SCARB1: variants seen among roughly 807,000 people sequenced by gnomAD.
SCARB1 encodes the protein scavenger receptor class B member 1, also known as CD36 and LIMPII analogous 1.
SCARB1 carries 30 observed loss-of-function variants against 57.2 expected under a neutral mutation model. That is an observed-to-expected ratio of 0.52 (90% CI 0.39 to 0.71). SCARB1 has a LOEUF of 0.71. Ranked by LOEUF, SCARB1 falls within the 30% of genes least tolerant of loss-of-function variation. The pLI is 0.00. For synonymous variants in SCARB1, 249 were observed against 268.3 expected, an observed-to-expected ratio of 0.93 and a Z score of 0.70; for missense variants, 543 against 671.2, an observed-to-expected ratio of 0.81 and a Z score of 2.11.
At chr12:124,791,067 A>T (rs969392699) in intron 9 of SCARB1, among the ~76,000 whole-genome samples, 1 of 151,782 alleles carries the variant, frequency 6.6e-6, no homozygotes, top group Non-Finnish European at 1.5e-5. Context: ...CCTAGTAAAA[A>T]CCCTGGGCAC....
At chr12:124,816,209 A>G (rs1174973768) in intron 2 of SCARB1, among the ~76,000 whole-genome samples, 2 of 150,334 alleles carry the variant, frequency 1.3e-5, no homozygotes, top group Non-Finnish European at 3.0e-5. Context: ...TGTCTGCACA[A>G]TACTGATGGC....
At chr12:124,833,148 G>GC (rs985485286) in intron 1 of SCARB1, among the ~76,000 whole-genome samples, 1 of 149,690 alleles carries the variant, frequency 6.7e-6, no homozygotes, top group Non-Finnish European at 1.5e-5. Flanking sequence ...AAGCATTGTG[G>GC]CCCCTGGGAC....
intron 5 of SCARB1, among the ~76,000 whole-genome samples, chr12:124,811,070 C>T (rs1454678203): frequency 3.3e-5 from 5 of 152,192 alleles, no homozygotes; most frequent in Non-Finnish European, 7.3e-5. Flanking sequence ...CAAAACAATG[C>T]ACGTAGTATG....
At chr12:124,821,577 G>A (rs1402825387) in intron 1 of SCARB1, 1 of 983,656 alleles carries the variant, frequency 1.0e-6, no homozygotes, top group African/African-American at 1.7e-5. Context: ...CAGAGACCCA[G>A]CGCAGCCCTG....
intron 1 of SCARB1, among the ~76,000 whole-genome samples, chr12:124,841,961 C>A (rs1291629694): frequency 2.0e-5 from 3 of 152,198 alleles, no homozygotes; most frequent in Non-Finnish European, 4.4e-5. Context: ...TGGCACGAGA[C>A]CTGGCCCACA....
chr12:124,778,663 C>G (rs1249915917), intron 12 of SCARB1, 77 bp from the exon 13 acceptor site: 1 of 1,317,152 alleles, frequency 7.6e-7, no homozygotes, highest in Non-Finnish European at 9.8e-7. Context: ...CCACCACAGC[C>G]CTGTACCCAC....
intron 1 of SCARB1, among the ~76,000 whole-genome samples, chr12:124,829,302 T>TATGG (rs1951290593): frequency 6.6e-6 from 1 of 152,158 alleles, no homozygotes; most frequent in Non-Finnish European, 1.5e-5. Context: ...TCCTGGCTTG[T>TATGG]ATGGATGGGT....
intron 7 of SCARB1, among the ~76,000 whole-genome samples, chr12:124,803,662 G>A (rs1227619530): frequency 7.3e-6 from 1 of 136,710 alleles, no homozygotes; most frequent in East Asian, 2.1e-4. Flanking sequence ...AACTAAGCCC[G>A]GGCAAGACGG....
At chr12:124,850,703 C>T (rs548842091) in intron 1 of SCARB1, among the ~76,000 whole-genome samples, 22 of 152,198 alleles carry the variant, frequency 1.4e-4, no homozygotes, top group Non-Finnish European at 3.1e-4. Context: ...TAAGTAAATA[C>T]ATACATAATA....
chr12:124,854,417 G>C (rs1952549167), intron 1 of SCARB1, among the ~76,000 whole-genome samples: 2 of 152,222 alleles, frequency 1.3e-5, no homozygotes, highest in African/African-American at 2.4e-5. Flanking sequence ...TGACTCCTAG[G>C]GGACGGGTCT....
At chr12:124,824,691 G>A (rs1225663817) in intron 1 of SCARB1, among the ~76,000 whole-genome samples, 2 of 152,192 alleles carry the variant, frequency 1.3e-5, no homozygotes, top group Non-Finnish European at 2.9e-5. Context: ...CAGGCCACTG[G>A]GGAGTCGGGA....
chr12:124,836,261 G>A (rs1037084150), intron 1 of SCARB1, among the ~76,000 whole-genome samples: 1 of 152,154 alleles, frequency 6.6e-6, no homozygotes, highest in Admixed American at 6.5e-5. Flanking sequence ...CAGAGGTCTC[G>A]CGCATGTGTC....
chr12:124,779,877 G>C (rs889062334), intron 12 of SCARB1, among the ~76,000 whole-genome samples: 7 of 152,172 alleles, frequency 4.6e-5, no homozygotes, highest in African/African-American at 1.7e-4. Flanking sequence ...ACTGAGCCAG[G>C]CGCGGGGGAG....
chr12:124,829,109 C>CTA, intron 1 of SCARB1, among the ~76,000 whole-genome samples: 2 of 152,314 alleles, frequency 1.3e-5, no homozygotes, highest in Admixed American at 1.3e-4. Flanking sequence ...GGTAAGAAGA[C>CTA]TAAAATAAAA....
intron 1 of SCARB1, among the ~76,000 whole-genome samples, chr12:124,824,056 C>A (rs530683339): frequency 6.6e-6 from 1 of 151,868 alleles, no homozygotes; most frequent in African/African-American, 2.4e-5. Context: ...CAACTGTATT[C>A]CCAGCTACTC....
chr12:124,778,646 T>TTGCC, intron 12 of SCARB1, 60 bp from the exon 13 acceptor site: 1 of 1,337,848 alleles, frequency 7.5e-7, no homozygotes, highest in Non-Finnish European at 9.6e-7. Context: ...CCCACCCTCA[T>TTGCC]CCCCGCCCAC....
intron 7 of SCARB1, among the ~76,000 whole-genome samples, chr12:124,804,510 C>T (rs1950256711): frequency 6.6e-6 from 1 of 152,198 alleles, no homozygotes; most frequent in Non-Finnish European, 1.5e-5. Context: ...CCAGCATCTG[C>T]CACTTGCGAC....
At chr12:124,808,222 G>A (rs1354396063) in intron 6 of SCARB1, among the ~76,000 whole-genome samples, 4 of 152,182 alleles carry the variant, frequency 2.6e-5, no homozygotes, top group Admixed American at 6.5e-5. Context: ...TTGGGAGGCC[G>A]AGGTGGGAGG....
At position 124,807,765 on chromosome 12, in the gene SCARB1, C is replaced by T. The variant is rs1457462580; in HGVS notation, c.1005G>A (p.Arg335=). 8 of 1,614,006 alleles carry T rather than the reference C, an allele frequency of 5.0e-6. No individual in the cohort carries two copies. Among genetic ancestry groups the T allele is most frequent in the Non-Finnish European group, 5.9e-6 (7 of 1,180,016 alleles). Residue 335 remains arginine (R), a synonymous_variant, in exon 7 of 13, where the codon AGG becomes AGA. Transcript: ENST00000261693. The surrounding 1 kb of genome is among the most constrained non-coding windows in gnomAD (Gnocchi z 5.3). ...ESGIQNVSTC[R]FSAPLFLSHP... ...AGCACAGGGGACGGCACGTACTGAA[C>T]CTGCAGGTGCTGACGTTCTGAATTC...
Sources: allele counts gnomAD v4.1 joint callset (sites outside exome capture counted in the v4.1 genomes callset), GRCh38; gene constraint gnomAD v4.1.1; non-coding constraint Gnocchi (gnomAD v3.1); transcripts MANE v1.5; gene names NCBI Gene and HGNC (gene_info 2026-07-23, HGNC 2026-07-21).